Variants in CTPS1 observed in about 807,000 individuals in gnomAD.
CTPS1 encodes the protein CTP synthetase 1.
Under a neutral mutation model 80.5 loss-of-function variants are expected in CTPS1, and 25 were observed. That is an observed-to-expected ratio of 0.31 (90% CI 0.23 to 0.43). CTPS1 has a LOEUF of 0.43. Ranked by LOEUF, CTPS1 falls within the 20% of genes least tolerant of loss-of-function variation. The probability of loss-of-function intolerance (pLI) is 1.00; values close to 1 mark genes in which losing one functional copy is unlikely to be tolerated. For synonymous variants in CTPS1, 267 were observed against 252.5 expected (o/e 1.06, Z -0.54); for missense variants, 442 against 725.7 (o/e 0.61, Z 4.49).
At chr1:41,000,158 A>T (rs969785490) in intron 9 of CTPS1, among the ~76,000 whole-genome samples, 2 of 152,244 alleles carry the variant, frequency 1.3e-5, no homozygotes, top group Non-Finnish European at 2.9e-5. Flanking sequence ...TAGAAATTGG[A>T]TCTGAGGTTG....
intron 6 of CTPS1, 83 bp from the exon 7 acceptor site, chr1:40,991,682 G>A: frequency 1.1e-6 from 1 of 885,350 alleles, no homozygotes; most frequent in Admixed American, 2.0e-5. Flanking sequence ...ACAATGTGAT[G>A]TCTGTTTTAA....
At chr1:40,999,367 C>T (rs1359008565) in intron 9 of CTPS1, among the ~76,000 whole-genome samples, 1 of 152,134 alleles carries the variant, frequency 6.6e-6, no homozygotes, top group Admixed American at 6.5e-5. Context: ...AAACTAACTG[C>T]AGGGTTTAGG....
At chr1:41,000,893 C>A in intron 9 of CTPS1, 136 bp from the exon 10 acceptor site, 4 of 477,306 alleles carry the variant, frequency 8.4e-6, no homozygotes, top group East Asian at 3.8e-5. Context: ...CACTTTAAAG[C>A]CAGTATTAAG....
At chr1:40,996,795 T>C (rs564942794) in intron 8 of CTPS1, among the ~76,000 whole-genome samples, 1 of 152,346 alleles carries the variant, frequency 6.6e-6, no homozygotes, top group East Asian at 1.9e-4. Flanking sequence ...TTTTGCTCTG[T>C]TATTATATTT....
At chr1:40,994,145 T>G (rs1435648652) in intron 7 of CTPS1, among the ~76,000 whole-genome samples, 2 of 152,218 alleles carry the variant, frequency 1.3e-5, no homozygotes, top group Non-Finnish European at 2.9e-5. Context: ...CCAATCTGTT[T>G]TTTTCTTTTA....
At chr1:40,987,949 G>A (rs1642497819) in intron 4 of CTPS1, among the ~76,000 whole-genome samples, 1 of 152,054 alleles carries the variant, frequency 6.6e-6, no homozygotes, top group Non-Finnish European at 1.5e-5. Flanking sequence ...GTCTCACTCT[G>A]TCACCCAGGC....
At chr1:41,010,315 A>G in intron 18 of CTPS1, 61 bp downstream of exon 18, 2 of 1,209,354 alleles carry the variant, frequency 1.7e-6, no homozygotes, top group Non-Finnish European at 2.4e-6. Context: ...TGCGATTGCA[A>G]GAATATCATG....
chr1:40,998,064 C>T (rs1642800216), intron 9 of CTPS1, among the ~76,000 whole-genome samples: 2 of 152,072 alleles, frequency 1.3e-5, no homozygotes, highest in Admixed American at 6.6e-5. Flanking sequence ...GGGCATGGCC[C>T]TGCTTGTCTG....
intron 1 of CTPS1, chr1:40,980,051 T>G (rs1464798136): frequency 3.3e-5 from 5 of 150,940 alleles, no homozygotes; most frequent in Non-Finnish European, 7.4e-5. Context: ...CGCGCGGGCC[T>G]CGTGGCCGGG....
chr1:40,985,106 G>A, intron 3 of CTPS1, 115 bp downstream of exon 3: 12 of 643,194 alleles, frequency 1.9e-5, no homozygotes, highest in Non-Finnish European at 2.3e-5. Flanking sequence ...TACATTGTAT[G>A]TGATTTCAGC....
At chr1:40,982,657 T>A (rs1423930199) in intron 1 of CTPS1, among the ~76,000 whole-genome samples, 1 of 152,240 alleles carries the variant, frequency 6.6e-6, no homozygotes, top group African/African-American at 2.4e-5. Flanking sequence ...CCCAAAGTGC[T>A]GGGATTACAG....
At chr1:40,983,518 T>C in intron 2 of CTPS1, 62 bp downstream of exon 2, 1 of 1,379,400 alleles carries the variant, frequency 7.2e-7, no homozygotes. Context: ...CACTTGGGAA[T>C]TATGTGCACG....
At position 41,007,360 on chromosome 1, in the gene CTPS1, C is replaced by A; in HGVS notation, c.1297-89C>A. The A allele has an allele frequency of 9.3e-7, 1 of 1,079,808 alleles. No homozygotes were observed. The highest frequency in any genetic ancestry group is 1.3e-5 in the South Asian group (1 of 77,074). 66.9% of individuals were successfully genotyped at this position (1,079,808 alleles called of 1,614,324 possible). On this transcript the variant is annotated intron_variant, in intron 13 of 18. Coordinates refer to ENST00000650070, the MANE Select transcript of CTPS1 (RefSeq NM_001905.4). The surrounding 1 kb of genome is among the most constrained non-coding windows in gnomAD (Gnocchi z 4.4). ...AGCCTGGAGAATTAGAGCTTACTTACAAGCCTTTGCCACCCACTCAGCGAG... is the reference window on the plus strand; with the variant it reads ...AGCCTGGAGAATTAGAGCTTACTTAAAAGCCTTTGCCACCCACTCAGCGAG...
chr1:40,985,534 A>G (rs56770595), intron 3 of CTPS1, among the ~76,000 whole-genome samples: 23,767 of 152,142 alleles, frequency 0.16, 2,061 homozygotes, highest in South Asian at 0.32. Context: ...GTTTTGTACA[A>G]ACATTCATTT....
intron 14 of CTPS1, among the ~76,000 whole-genome samples, chr1:41,008,141 C>G (rs1206610430): frequency 2.0e-5 from 3 of 152,190 alleles, no homozygotes; most frequent in Admixed American, 6.5e-5. Flanking sequence ...CTCTGATGTT[C>G]TGTGGATTTG....
chr1:41,008,739 T>C (rs1330835523), intron 15 of CTPS1, 25 bp downstream of exon 15: 1 of 1,613,942 alleles, frequency 6.2e-7, no homozygotes. Flanking sequence ...TTGCTGGTAC[T>C]CTGGAAAGAT....
Position 40,996,558 on chromosome 1 carries a change from C to T in CTPS1, c.872+490C>T, listed in dbSNP as rs1036194012. The stretch of plus-strand genomic sequence containing the variant: ...TCCTTTTAAGGCTCGGTGATGCTGT[C>T]ACATTCCTTCAGAAATCTTCACTTC... On this transcript the variant is annotated intron_variant, in intron 8 of 18. Transcript: ENST00000650070. Among the ~76,000 whole-genome samples, 4 of 152,188 alleles carry T rather than the reference C, an allele frequency of 2.6e-5. No individual in the cohort carries two copies. The East Asian group carries it at 7.7e-4, about 29-fold the overall frequency.
intron 10 of CTPS1, among the ~76,000 whole-genome samples, chr1:41,001,752 AAAC>A (rs1211926998): frequency 2.0e-5 from 3 of 152,140 alleles, no homozygotes; most frequent in Admixed American, 1.3e-4. Context: ...TCTACAACAA[AAAC>A]AACAAAACCA....
chr1:40,980,460 C>T (rs943651373), intron 1 of CTPS1: 9 of 152,222 alleles, frequency 5.9e-5, no homozygotes, highest in Non-Finnish European at 1.3e-4. Context: ...TAGAGCTCAC[C>T]ACGTTTGCGT....
Sources: gnomAD v4.1 joint callset for allele counts (sites outside exome capture counted in the v4.1 genomes callset) on GRCh38, gnomAD v4.1.1 for gene constraint, Gnocchi (gnomAD v3.1) non-coding constraint, MANE v1.5 for transcripts, NCBI Gene and HGNC (gene_info 2026-07-23, HGNC 2026-07-21) for gene names.